Variants in MTUS2 observed in about 807,000 individuals in gnomAD.
MTUS2 encodes the protein microtubule-associated tumor suppressor candidate 2.
In MTUS2, 40 loss-of-function variants were observed where a neutral mutation model predicts 114.1. The observed-to-expected ratio is 0.35, with a 90% CI of 0.27 to 0.46. The LOEUF (loss-of-function observed/expected upper bound fraction) is 0.46, where lower values mean the gene tolerates loss of function less well. MTUS2 is among the 20% of genes least tolerant of loss of function. The pLI, the probability that MTUS2 is intolerant of heterozygous loss-of-function variation, is 1.00. For missense variants in MTUS2, 1,679 were observed against 1,705.4 expected (o/e 0.98, Z 0.27); for synonymous variants, 688 against 672.0 (o/e 1.02, Z -0.37).
At position 29,409,473 on chromosome 13, in the gene MTUS2, T is replaced by TA. The variant is rs574055828; in HGVS notation, c.3118-30503dup. On this transcript the variant is annotated intron_variant, in intron 8 of 15. Coordinates refer to ENST00000612955, the MANE Select transcript of MTUS2 (RefSeq NM_001033602.4). Reference sequence around the variant, plus strand: ...TGTCATTAATATAATTCATTTGTTTTAAAAAAACAAGTTAGATTCATTGTA... The same window carrying TA: ...TGTCATTAATATAATTCATTTGTTTTAAAAAAAACAAGTTAGATTCATTGTA... Among the ~76,000 whole-genome samples, 624 of 152,310 alleles carry TA rather than the reference T, an allele frequency of 4.1e-3. 2 individuals are homozygous for TA. Among genetic ancestry groups the TA allele is most frequent in the Non-Finnish European group, 6.9e-3 (469 of 68,014 alleles).
At chr13:29,147,970 G>A (rs1246689127) in intron 5 of MTUS2, among the ~76,000 whole-genome samples, 1 of 152,182 alleles carries the variant, frequency 6.6e-6, no homozygotes. Context: ...TAATGGGATT[G>A]CTGGGTCAAA....
chr13:28,971,522 G>A (rs180816232), intron 2 of MTUS2, among the ~76,000 whole-genome samples: 73 of 152,230 alleles, frequency 4.8e-4, no homozygotes, highest in South Asian at 3.7e-3. Flanking sequence ...ATACCCATTA[G>A]GACTTCAACA....
At chr13:29,346,874 A>G (rs1868749135) in intron 7 of MTUS2, among the ~76,000 whole-genome samples, 2 of 149,550 alleles carry the variant, frequency 1.3e-5, no homozygotes, top group South Asian at 4.3e-4. Context: ...TATTTTGCTC[A>G]GCTCTCTAAA....
At chr13:28,905,431 C>G (rs1161235444) in intron 2 of MTUS2, among the ~76,000 whole-genome samples, 12 of 151,616 alleles carry the variant, frequency 7.9e-5, no homozygotes, top group Admixed American at 2.0e-4. Flanking sequence ...TACATCCCAT[C>G]AATACCTCAT....
intron 4 of MTUS2, among the ~76,000 whole-genome samples, chr13:29,081,690 A>C (rs544172528): frequency 1.3e-5 from 2 of 152,010 alleles, no homozygotes; most frequent in African/African-American, 4.8e-5. Context: ...TGGCTTGGGC[A>C]TGTGTAGAGA....
At chr13:29,067,252 A>T (rs972172944) in intron 4 of MTUS2, among the ~76,000 whole-genome samples, 1 of 151,836 alleles carries the variant, frequency 6.6e-6, no homozygotes, top group Admixed American at 6.6e-5. Flanking sequence ...GAGAGGGGGG[A>T]GGATAGAGTA....
intron 7 of MTUS2, among the ~76,000 whole-genome samples, chr13:29,333,954 C>A (rs1427494037): frequency 2.0e-5 from 3 of 152,030 alleles, no homozygotes; most frequent in Non-Finnish European, 4.4e-5. Flanking sequence ...CCCTTCTTTG[C>A]CTTTTTTGAT....
chr13:28,967,429 C>T (rs1316321731), intron 2 of MTUS2, among the ~76,000 whole-genome samples: 1 of 152,106 alleles, frequency 6.6e-6, no homozygotes, highest in African/African-American at 2.4e-5. Context: ...ACCTATATCC[C>T]TGTAGTCTTG....
chr13:29,251,897 G>A (rs1271199917), intron 5 of MTUS2, among the ~76,000 whole-genome samples: 6 of 152,096 alleles, frequency 3.9e-5, no homozygotes. Flanking sequence ...CTATGAACAC[G>A]AGTCTACAAA....
chr13:29,091,865 G>A (rs1041985401), intron 4 of MTUS2, among the ~76,000 whole-genome samples: 3 of 152,220 alleles, frequency 2.0e-5, no homozygotes, highest in Non-Finnish European at 4.4e-5. Context: ...ACAGCTCAAA[G>A]CACAAGAAGC....
At chr13:29,140,995 C>T (rs1289833503) in intron 5 of MTUS2, among the ~76,000 whole-genome samples, 1 of 152,126 alleles carries the variant, frequency 6.6e-6, no homozygotes, top group Non-Finnish European at 1.5e-5. Flanking sequence ...GTCCCCTGAC[C>T]CCTTCCACCA....
At chr13:29,370,921 C>T (rs9579364) in intron 8 of MTUS2, among the ~76,000 whole-genome samples, 30,790 of 152,024 alleles carry the variant, frequency 0.2, 3,235 homozygotes, top group Middle Eastern at 0.25. Context: ...ACAAGATTAC[C>T]GCAGATAAAG....
intron 8 of MTUS2, among the ~76,000 whole-genome samples, chr13:29,437,372 A>G (rs1300344727): frequency 6.6e-6 from 1 of 152,198 alleles, no homozygotes; most frequent in African/African-American, 2.4e-5. Flanking sequence ...GAATATGAGT[A>G]TTCAGAACTA....
At chr13:29,466,412 T>C (rs1879889437) in intron 9 of MTUS2, among the ~76,000 whole-genome samples, 1 of 152,236 alleles carries the variant, frequency 6.6e-6, no homozygotes, top group African/African-American at 2.4e-5. Flanking sequence ...CAAGGTGATC[T>C]CTTTTGTTCC....
intron 2 of MTUS2, among the ~76,000 whole-genome samples, chr13:28,888,038 C>T (rs1430900180): frequency 6.6e-6 from 1 of 152,206 alleles, no homozygotes; most frequent in Admixed American, 6.5e-5. Flanking sequence ...TCTAGTACCA[C>T]TCTTCTGTGA....
At chr13:29,400,326 G>A (rs1874230325) in intron 8 of MTUS2, among the ~76,000 whole-genome samples, 1 of 152,200 alleles carries the variant, frequency 6.6e-6, no homozygotes, top group Non-Finnish European at 1.5e-5. Context: ...TGTACAGCAT[G>A]CGTGAAGAGC....
At chr13:28,844,408 T>C (rs1875719449) in intron 2 of MTUS2, among the ~76,000 whole-genome samples, 1 of 152,138 alleles carries the variant, frequency 6.6e-6, no homozygotes, top group Admixed American at 6.6e-5. Flanking sequence ...ATGCTGTGTG[T>C]GTGTGTGCGC....
rs531944063 is a variant in MTUS2 at position 29,131,711 on chromosome 13, C to T, written c.2644+30741C>T. 1.9e-4 allele frequency among the ~76,000 whole-genome samples: 29 copies of T among 152,360 alleles called. 1 individual carries two copies. The highest frequency in any genetic ancestry group is 7.0e-4 in the African/African-American group (29 of 41,582). Reference sequence around the variant, plus strand: ...TAAAGAAGCCTGGCTTCCTGCTCACCTCCACTTGGCTTAGCCATCCCTCTA... The same window carrying T: ...TAAAGAAGCCTGGCTTCCTGCTCACTTCCACTTGGCTTAGCCATCCCTCTA... On this transcript the variant is annotated intron_variant, in intron 5 of 15. Coordinates refer to ENST00000612955, the MANE Select transcript of MTUS2 (RefSeq NM_001033602.4).
At chr13:29,449,636 A>T (rs1011698543) in intron 9 of MTUS2, among the ~76,000 whole-genome samples, 1 of 152,010 alleles carries the variant, frequency 6.6e-6, no homozygotes, top group African/African-American at 2.4e-5. Flanking sequence ...CTAAGTATCT[A>T]TAGCATTCGC....
Sources: gnomAD v4.1 joint callset for allele counts (sites outside exome capture counted in the v4.1 genomes callset) on GRCh38, gnomAD v4.1.1 for gene constraint, MANE v1.5 for transcripts, NCBI Gene and HGNC (gene_info 2026-07-23, HGNC 2026-07-21) for gene names.